The following TENM3 variants were observed in gnomAD, a reference collection of about 807,000 sequenced individuals.
The protein encoded by TENM3 is teneurin transmembrane protein 3, also known as teneurin-3.
Under a neutral mutation model 255.1 loss-of-function variants are expected in TENM3, and 63 were observed. That is an observed-to-expected ratio of 0.25 (90% CI 0.20 to 0.30). TENM3 has a LOEUF of 0.30. TENM3 is among the 10% of genes least tolerant of loss of function. TENM3 has a pLI of 1.00. For synonymous variants in TENM3, 1,306 were observed against 1,322.3 expected (o/e 0.99, Z 0.27); for missense variants, 2,929 against 3,461.1 (o/e 0.85, Z 3.86).
At chr4:181,933,013 A>C in the TENM3 span, among the ~76,000 whole-genome samples, 1 of 152,084 alleles carries the variant, frequency 6.6e-6, no homozygotes, top group South Asian at 2.1e-4. Flanking sequence ...GGGGCCTCCC[A>C]GGGGGTTGGG....
At chr4:181,918,794 T>C in the TENM3 span, among the ~76,000 whole-genome samples, 1 of 152,152 alleles carries the variant, frequency 6.6e-6, no homozygotes, top group Non-Finnish European at 1.5e-5. Flanking sequence ...TCCCTGAAGG[T>C]ATATAAATTG....
At chr4:182,657,250 G>A (rs965635934) in intron 6 of TENM3, among the ~76,000 whole-genome samples, 3 of 151,962 alleles carry the variant, frequency 2.0e-5, no homozygotes, top group African/African-American at 7.3e-5. Context: ...TTCAACAGTC[G>A]GCAGCCCTAG....
At chr4:181,590,891 T>A in the TENM3 span, among the ~76,000 whole-genome samples, 195 of 152,360 alleles carry the variant, frequency 1.3e-3, no homozygotes, top group African/African-American at 4.4e-3. Flanking sequence ...ACACCTAACA[T>A]GGATAGAGAT....
chr4:181,878,503 G>T, the TENM3 span, among the ~76,000 whole-genome samples: 7 of 151,962 alleles, frequency 4.6e-5, no homozygotes, highest in Admixed American at 4.6e-4. Flanking sequence ...TGCTGTTTTG[G>T]TTATGATCTT....
the TENM3 span, among the ~76,000 whole-genome samples, chr4:181,809,881 C>T: frequency 6.6e-6 from 1 of 152,052 alleles, no homozygotes; most frequent in African/African-American, 2.4e-5. Context: ...GGAGAAGAGG[C>T]AGGGAACACA....
intron 12 of TENM3, among the ~76,000 whole-genome samples, chr4:182,696,703 G>A (rs1213855566): frequency 4.6e-5 from 7 of 151,572 alleles, no homozygotes; most frequent in South Asian, 4.2e-4. Context: ...CCAGCCTGGT[G>A]ACAGAGCGAG....
At chr4:182,421,150 A>T (rs1324574874) in intron 3 of TENM3, among the ~76,000 whole-genome samples, 3 of 152,120 alleles carry the variant, frequency 2.0e-5, no homozygotes, top group African/African-American at 7.2e-5. Flanking sequence ...CAAAATCCAC[A>T]TTTCTCTGAG....
At chr4:182,448,132 C>G (rs1483248977) in intron 3 of TENM3, among the ~76,000 whole-genome samples, 1 of 152,224 alleles carries the variant, frequency 6.6e-6, no homozygotes, top group Non-Finnish European at 1.5e-5. Context: ...ACCGTCTTCT[C>G]TCCCCGGGTC....
the TENM3 span, among the ~76,000 whole-genome samples, chr4:182,138,183 G>T: frequency 9.2e-5 from 14 of 152,156 alleles, no homozygotes; most frequent in Non-Finnish European, 1.6e-4. Flanking sequence ...GAAAAGGTCT[G>T]CTTAATATGG....
At chr4:182,617,454 C>T (rs1443250477) in intron 4 of TENM3, among the ~76,000 whole-genome samples, 3 of 152,128 alleles carry the variant, frequency 2.0e-5, no homozygotes, top group African/African-American at 7.2e-5. Context: ...GTGTGGGATT[C>T]ATTTGCTTTA....
chr4:181,492,666 A>G, the TENM3 span, among the ~76,000 whole-genome samples: 1 of 152,082 alleles, frequency 6.6e-6, no homozygotes, highest in African/African-American at 2.4e-5. Flanking sequence ...ATTGTTCTAC[A>G]GATTTTTTTT....
the TENM3 span, among the ~76,000 whole-genome samples, chr4:181,720,866 AGGAAATCTCTCT>A: frequency 1.3e-5 from 2 of 152,196 alleles, no homozygotes; most frequent in Non-Finnish European, 2.9e-5. Context: ...CTAATTCTGA[AGGAAATCTCTCT>A]GGAGAAGAGC....
the TENM3 span, among the ~76,000 whole-genome samples, chr4:181,872,751 C>T: frequency 2.2e-4 from 33 of 152,136 alleles, no homozygotes; most frequent in Non-Finnish European, 3.4e-4. Context: ...AGCATGAGAA[C>T]GGACAGAGGT....
At chr4:181,851,510 G>C in the TENM3 span, among the ~76,000 whole-genome samples, 5 of 152,166 alleles carry the variant, frequency 3.3e-5, no homozygotes, top group Admixed American at 1.3e-4. Context: ...CTGTAGGGTA[G>C]ATACGAGCCC....
At chr4:182,376,265 C>T (rs971577496) in intron 3 of TENM3, among the ~76,000 whole-genome samples, 1 of 152,026 alleles carries the variant, frequency 6.6e-6, no homozygotes, top group African/African-American at 2.4e-5. Flanking sequence ...GTTTATTATC[C>T]AGGTCTTCAT....
the TENM3 span, among the ~76,000 whole-genome samples, chr4:181,641,544 T>G: frequency 5.4e-5 from 1 of 18,630 alleles, no homozygotes; most frequent in African/African-American, 1.5e-4. Context: ...TAGTATTCCA[T>G]GGTGTGTGTG....
upstream of TENM3, among the ~76,000 whole-genome samples, chr4:182,242,592 C>T (rs1244349309): frequency 1.3e-5 from 2 of 152,074 alleles, no homozygotes; most frequent in Non-Finnish European, 2.9e-5. Flanking sequence ...GAAAACCCGT[C>T]TCTACAAAAA....
chr4:182,593,465 T>G (rs1348932726), intron 3 of TENM3, among the ~76,000 whole-genome samples: 1 of 152,196 alleles, frequency 6.6e-6, no homozygotes, highest in Non-Finnish European at 1.5e-5. Context: ...ATTTGTCTTT[T>G]GATGACTGAC....
intron 23 of TENM3, chr4:182,774,072 T>G (rs766592513): frequency 6.5e-6 from 1 of 154,852 alleles, no homozygotes; most frequent in Non-Finnish European, 1.4e-5. Context: ...AAATTCCAAC[T>G]ACACATTCAT....
Sources: allele counts gnomAD v4.1 joint callset (sites outside exome capture counted in the v4.1 genomes callset), GRCh38; gene constraint gnomAD v4.1.1; transcripts MANE v1.5; gene names NCBI Gene and HGNC (gene_info 2026-07-23, HGNC 2026-07-21).